LRRC20: variants seen among roughly 807,000 people sequenced by gnomAD.
LRRC20 encodes leucine-rich repeat-containing protein 20.
Under a neutral mutation model 14.4 loss-of-function variants are expected in LRRC20, and 11 were observed. The observed-to-expected ratio is 0.77, with a 90% CI of 0.48 to 1.27. The LOEUF (loss-of-function observed/expected upper bound fraction) is 1.27. Ranked by LOEUF, LRRC20 falls within the 50% of genes most tolerant of loss-of-function variation. The probability of loss-of-function intolerance (pLI) is 0.00; values close to 1 mark genes in which losing one functional copy is unlikely to be tolerated. For missense variants in LRRC20, 219 were observed against 251.2 expected, an observed-to-expected ratio of 0.87 and a Z score of 0.87; for synonymous variants, 121 against 107.3, an observed-to-expected ratio of 1.13 and a Z score of -0.79.
At chr10:70,351,354 C>G (rs749340966) in intron 2 of LRRC20, among the ~76,000 whole-genome samples, 2 of 152,192 alleles carry the variant, frequency 1.3e-5, no homozygotes, top group African/African-American at 2.4e-5. Context: ...AACACAGCCT[C>G]CAATCTGAGG....
chr10:70,336,850 C>T (rs1842738529), intron 3 of LRRC20, among the ~76,000 whole-genome samples: 1 of 152,160 alleles, frequency 6.6e-6, no homozygotes. Context: ...GACACACTCA[C>T]TAAAAAGAGC....
intron 2 of LRRC20, among the ~76,000 whole-genome samples, chr10:70,356,076 C>G (rs528313874): frequency 7.2e-5 from 11 of 152,352 alleles, no homozygotes; most frequent in Middle Eastern, 3.4e-3. Flanking sequence ...CACAAGAGAC[C>G]TAGAAAGCAA....
chr10:70,369,316 G>T (rs1000185373), intron 2 of LRRC20, among the ~76,000 whole-genome samples: 1 of 152,128 alleles, frequency 6.6e-6, no homozygotes, highest in Non-Finnish European at 1.5e-5. Context: ...CAGCAGGGTG[G>T]ATGGGGAAAA....
At chr10:70,375,719 A>T (rs958874992) in intron 2 of LRRC20, among the ~76,000 whole-genome samples, 6 of 152,138 alleles carry the variant, frequency 3.9e-5, no homozygotes, top group Admixed American at 6.5e-5. Flanking sequence ...CATGGGTGAC[A>T]TACATGCACA....
At chr10:70,307,978 G>C (rs1170726380) in intron 4 of LRRC20, among the ~76,000 whole-genome samples, 2 of 152,232 alleles carry the variant, frequency 1.3e-5, no homozygotes, top group African/African-American at 2.4e-5. Flanking sequence ...CAGATGCCTG[G>C]GGATAAGCCC....
intron 4 of LRRC20, among the ~76,000 whole-genome samples, chr10:70,313,517 A>G (rs1377699208): frequency 6.6e-6 from 1 of 152,108 alleles, no homozygotes; most frequent in Non-Finnish European, 1.5e-5. Flanking sequence ...CAGGCAGAGA[A>G]ATCTGACATA....
chr10:70,353,312 C>T (rs576490197), intron 2 of LRRC20, among the ~76,000 whole-genome samples: 38 of 152,078 alleles, frequency 2.5e-4, no homozygotes, highest in African/African-American at 8.2e-4. Context: ...TAATAAAAAA[C>T]ATTTACAAAG....
At chr10:70,302,878 T>C in intron 4 of LRRC20, among the ~76,000 whole-genome samples, 1 of 152,046 alleles carries the variant, frequency 6.6e-6, no homozygotes, top group African/African-American at 2.4e-5. Context: ...GCCCAGCTAA[T>C]TTTTTGTATT....
intron 3 of LRRC20, among the ~76,000 whole-genome samples, chr10:70,329,041 T>C (rs993527002): frequency 1.3e-5 from 2 of 152,134 alleles, no homozygotes. Flanking sequence ...AGTGCAACTG[T>C]GACACATGGA....
chr10:70,351,426 G>A (rs1202448118), intron 2 of LRRC20, among the ~76,000 whole-genome samples: 1 of 152,168 alleles, frequency 6.6e-6, no homozygotes, highest in African/African-American at 2.4e-5. Flanking sequence ...CTGGTGATGG[G>A]AGGGCTCCCT....
intron 3 of LRRC20, among the ~76,000 whole-genome samples, chr10:70,338,049 A>C (rs1276599297): frequency 2.6e-5 from 4 of 152,186 alleles, no homozygotes; most frequent in Admixed American, 2.6e-4. Flanking sequence ...CCTGGGACAA[A>C]CACAGGTGGC....
intron 2 of LRRC20, among the ~76,000 whole-genome samples, chr10:70,348,526 A>G (rs1269208278): frequency 3.3e-5 from 5 of 152,164 alleles, no homozygotes; most frequent in Non-Finnish European, 7.3e-5. Flanking sequence ...CACACAGGAG[A>G]CTGTAATAAA....
chr10:70,314,194 T>C (rs1261561749), intron 4 of LRRC20, among the ~76,000 whole-genome samples: 1 of 152,054 alleles, frequency 6.6e-6, no homozygotes, highest in Non-Finnish European at 1.5e-5. Context: ...CAAGATGAGA[T>C]TTGGGTGGGG....
In LRRC20 at chr10:70,323,740, C is replaced by T; in HGVS notation, c.400+123G>A. On this transcript the variant is annotated intron_variant, in intron 4 of 4. Coordinates refer to ENST00000446961, the MANE Select transcript of LRRC20 (RefSeq NM_001278212.2). ...ACCTTCCCAGGCCCCATGTCCTTTG[C>T]TCAGGCATCTCAGACAGAAAGCCCA... is the stretch of plus-strand genomic sequence containing the variant. The T allele has an allele frequency of 6.3e-6, 7 of 1,115,028 alleles. No individual in the cohort carries two copies. In the South Asian group the frequency reaches 8.8e-5, roughly 14 times the overall value. 69.1% of individuals were successfully genotyped at this position (1,115,028 alleles called of 1,614,324 possible).
intron 4 of LRRC20, among the ~76,000 whole-genome samples, chr10:70,318,765 A>G (rs1208085980): frequency 6.6e-6 from 1 of 152,078 alleles, no homozygotes; most frequent in Non-Finnish European, 1.5e-5. Context: ...AAGAAAAAAA[A>G]AAAAGTGTTG....
intron 2 of LRRC20, among the ~76,000 whole-genome samples, chr10:70,363,107 T>TAA (rs766926111): frequency 0.17 from 5,534 of 32,086 alleles, 151 homozygotes; most frequent in South Asian, 0.33. Context: ...TTATCTCTAT[T>TAA]AAAAAAAAAA....
In LRRC20 at chr10:70,323,850, C is replaced by T; in HGVS notation, c.400+13G>A. Reference sequence around the variant, plus strand: ...TGCAGCAGCCCAGGGCCAGGTGGGCCAGGCCCACTCACCTACGATCTCGTT... The same window carrying T: ...TGCAGCAGCCCAGGGCCAGGTGGGCTAGGCCCACTCACCTACGATCTCGTT... On this transcript the variant is annotated intron_variant, in intron 4 of 4. Transcript: ENST00000446961. 6.2e-7 allele frequency: 1 copy of T among 1,613,886 alleles called. No individual in the cohort carries two copies. Among genetic ancestry groups the T allele is most frequent in the South Asian group, 1.1e-5 (1 of 91,076 alleles).
intron 2 of LRRC20, among the ~76,000 whole-genome samples, chr10:70,376,057 G>A (rs559199699): frequency 3.3e-5 from 5 of 152,202 alleles, no homozygotes; most frequent in South Asian, 4.1e-4. Context: ...GGCTAACCAC[G>A]CCCAGCTGGC....
At chr10:70,376,756 C>T (rs1844525860) in intron 1 of LRRC20, 160 bp from the exon 2 acceptor site, 1 of 565,860 alleles carries the variant, frequency 1.8e-6, no homozygotes, top group African/African-American at 1.9e-5. Flanking sequence ...AGAGCTCAGG[C>T]CACATCCAGC....
Sources: gnomAD v4.1 joint callset for allele counts (sites outside exome capture counted in the v4.1 genomes callset) on GRCh38, gnomAD v4.1.1 for gene constraint, MANE v1.5 for transcripts, NCBI Gene and HGNC (gene_info 2026-07-23, HGNC 2026-07-21) for gene names.